The following GADL1 variants were observed in gnomAD, a reference collection of about 807,000 sequenced individuals.
GADL1 encodes GAD like acidic amino acid decarboxylase 1.
A neutral mutation model predicts 69.5 loss-of-function variants in GADL1; 71 were observed. The observed-to-expected ratio is 1.02, with a 90% CI of 0.84 to 1.25. The LOEUF (loss-of-function observed/expected upper bound fraction) is 1.25, where lower values mean the gene tolerates loss of function less well. Among genes scored for constraint, GADL1 ranks in the 50% most tolerant of loss-of-function variants. The pLI, the probability that GADL1 is intolerant of heterozygous loss-of-function variation, is 0.00. For missense variants in GADL1, 737 were observed against 631.8 expected (o/e 1.17, Z -1.79); for synonymous variants, 254 against 214.4 (o/e 1.18, Z -1.62).
At chr3:30,877,309 A>G (rs1250924063) in intron 1 of GADL1, among the ~76,000 whole-genome samples, 4 of 151,934 alleles carry the variant, frequency 2.6e-5, no homozygotes, top group Non-Finnish European at 4.4e-5. Context: ...GAACAATTAA[A>G]TGCTAAGCTG....
chr3:30,729,156 G>GTTTAAAAGC (rs1695416261), intron 14 of GADL1, among the ~76,000 whole-genome samples: 3 of 152,080 alleles, frequency 2.0e-5, no homozygotes, highest in African/African-American at 7.2e-5. Flanking sequence ...CAGATACACA[G>GTTTAAAAGC]ATTTTTCTAA....
chr3:30,761,628 T>C (rs935543359), intron 14 of GADL1, among the ~76,000 whole-genome samples: 2 of 152,160 alleles, frequency 1.3e-5, no homozygotes, highest in Non-Finnish European at 1.5e-5. Context: ...CTTTATCCAA[T>C]TGAAACTATC....
chr3:30,894,445 G>C (rs935483180), intron 1 of GADL1, 133 bp downstream of exon 1: 1 of 602,502 alleles, frequency 1.7e-6, no homozygotes, highest in Non-Finnish European at 2.9e-6. Flanking sequence ...CCATGAAGAT[G>C]GGGACTTTCT....
intron 1 of GADL1, among the ~76,000 whole-genome samples, chr3:30,883,301 A>T (rs1165794205): frequency 6.6e-6 from 1 of 151,866 alleles, no homozygotes; most frequent in African/African-American, 2.4e-5. Flanking sequence ...TACTTCTTTA[A>T]TCCACTTTGA....
In GADL1 at chr3:30,863,823, C is replaced by T. The variant is rs374026407; in HGVS notation, c.38-2058G>A. 4.6e-5 allele frequency among the ~76,000 whole-genome samples: 7 copies of T among 151,366 alleles called. No individual in the cohort carries two copies. The East Asian group carries it at 1.4e-3, about 30-fold the overall frequency. The stretch of plus-strand genomic sequence containing the variant: ...ACTCCACCTTCTCCTCAAAGTTAAA[C>T]GTTCTGATAAAATTCTATGGCTCCA... On this transcript the variant is annotated intron_variant, in intron 1 of 14. Coordinates refer to ENST00000282538, the MANE Select transcript of GADL1 (RefSeq NM_207359.3).
At chr3:30,770,816 GA>G (rs1696401216) in intron 14 of GADL1, among the ~76,000 whole-genome samples, 1 of 92,588 alleles carries the variant, frequency 1.1e-5, no homozygotes, top group Non-Finnish European at 1.9e-5. Context: ...ACAGAAACAA[GA>G]GAAGAGAGGC....
intron 14 of GADL1, among the ~76,000 whole-genome samples, chr3:30,770,533 T>TC (rs1282566410): frequency 6.6e-6 from 1 of 152,150 alleles, no homozygotes; most frequent in Non-Finnish European, 1.5e-5. Context: ...TGGCCTCATC[T>TC]CCCATGACTG....
intron 13 of GADL1, among the ~76,000 whole-genome samples, chr3:30,780,606 C>T (rs1696644730): frequency 6.6e-6 from 1 of 152,164 alleles, no homozygotes. Flanking sequence ...CTTTCATTTG[C>T]ATAGGAACAT....
chr3:30,747,446 G>A (rs975398807), intron 14 of GADL1, among the ~76,000 whole-genome samples: 6 of 152,160 alleles, frequency 3.9e-5, no homozygotes, highest in African/African-American at 1.4e-4. Flanking sequence ...AAAGAAAGGT[G>A]GAATTGAGTA....
intron 11 of GADL1, among the ~76,000 whole-genome samples, chr3:30,805,251 A>G (rs1697229671): frequency 6.6e-6 from 1 of 152,204 alleles, no homozygotes; most frequent in Non-Finnish European, 1.5e-5. Flanking sequence ...TGTAGCTACT[A>G]CATGATAGGG....
chr3:30,735,870 C>G lies in GADL1; in HGVS notation c.1393-7455G>C, dbSNP rs571278204. 2.6e-5 allele frequency among the ~76,000 whole-genome samples: 4 copies of G among 152,188 alleles called. No individual in the cohort carries two copies. The East Asian group carries it at 5.8e-4, about 22-fold the overall frequency. On this transcript the variant is annotated intron_variant, in intron 14 of 14. Transcript: ENST00000282538. ...GCATGGCTCAAAGATTTTGGGGGCTCTACCACACATCAGATTGAACATATT... is the reference window on the plus strand; with the variant it reads ...GCATGGCTCAAAGATTTTGGGGGCTGTACCACACATCAGATTGAACATATT...
intron 14 of GADL1, among the ~76,000 whole-genome samples, chr3:30,743,412 G>A (rs1431166696): frequency 6.6e-6 from 1 of 152,220 alleles, no homozygotes; most frequent in East Asian, 1.9e-4. Context: ...CCTCAGAATA[G>A]CGCATAACAA....
At chr3:30,880,485 C>T (rs912392407) in intron 1 of GADL1, among the ~76,000 whole-genome samples, 1 of 151,804 alleles carries the variant, frequency 6.6e-6, no homozygotes, top group African/African-American at 2.4e-5. Flanking sequence ...GGACAGTTCC[C>T]CTGCCCACAC....
At chr3:30,767,889 G>T (rs939093140) in intron 14 of GADL1, among the ~76,000 whole-genome samples, 2 of 151,914 alleles carry the variant, frequency 1.3e-5, no homozygotes, top group Non-Finnish European at 2.9e-5. Flanking sequence ...AAAAACATCA[G>T]ATCTCAAAAT....
chr3:30,753,432 GTTTATTT>G (rs553198337), intron 14 of GADL1, among the ~76,000 whole-genome samples: 72 of 152,106 alleles, frequency 4.7e-4, no homozygotes, highest in African/African-American at 1.6e-3. Flanking sequence ...TTTTTCCTTA[GTTTATTT>G]TTTAATTTTT....
chr3:30,773,106 T>C (rs1696454096), intron 14 of GADL1, among the ~76,000 whole-genome samples: 1 of 152,182 alleles, frequency 6.6e-6, no homozygotes, highest in Non-Finnish European at 1.5e-5. Context: ...TTAATTATTG[T>C]ATAATCATGA....
At chr3:30,821,338 A>T (rs1697576321) in intron 11 of GADL1, among the ~76,000 whole-genome samples, 1 of 136,138 alleles carries the variant, frequency 7.3e-6, no homozygotes, top group African/African-American at 3.3e-5. Context: ...ATAATAATAA[A>T]GAAAAAAAGA....
At chr3:30,772,200 AC>A (rs1696433121) in intron 14 of GADL1, among the ~76,000 whole-genome samples, 1 of 152,220 alleles carries the variant, frequency 6.6e-6, no homozygotes, top group Non-Finnish European at 1.5e-5. Flanking sequence ...TTTCTCCTCT[AC>A]TATTAAGGAG....
chr3:30,881,402 A>T (rs1205779732), intron 1 of GADL1, among the ~76,000 whole-genome samples: 1 of 151,894 alleles, frequency 6.6e-6, no homozygotes, highest in Non-Finnish European at 1.5e-5. Flanking sequence ...TGTAATTCCA[A>T]CCTTTTTTGG....
Sources: allele counts gnomAD v4.1 joint callset (sites outside exome capture counted in the v4.1 genomes callset), GRCh38; gene constraint gnomAD v4.1.1; transcripts MANE v1.5; gene names NCBI Gene and HGNC (gene_info 2026-07-23, HGNC 2026-07-21).